The following TSPEAR variants were observed in gnomAD, a reference collection of about 807,000 sequenced individuals.
TSPEAR encodes the protein thrombospondin type laminin G domain and EAR repeats, also known as thrombospondin-type laminin G domain and EAR repeat-containing protein.
Under a neutral mutation model 71.6 loss-of-function variants are expected in TSPEAR, and 69 were observed. That is an observed-to-expected ratio of 0.96 (90% CI 0.79 to 1.18). The LOEUF (loss-of-function observed/expected upper bound fraction) is 1.18. Ranked by LOEUF, TSPEAR falls within the 50% of genes most tolerant of loss-of-function variation. The pLI is 0.00. For missense variants in TSPEAR, 971 were observed against 894.9 expected (o/e 1.09, Z -1.09); for synonymous variants, 402 against 387.2 (o/e 1.04, Z -0.45).
rs149797873 is a variant in TSPEAR at position 44,514,723 on chromosome 21, G to A, written c.1567-5337C>T. ...GCTCACTCCTCCTTTGGTCCAAGCT[G>A]GGGAGGCCCAGTCATTGGAGGCCTG... is the stretch of plus-strand genomic sequence containing the variant. On this transcript the variant is annotated intron_variant, in intron 9 of 11. Coordinates refer to ENST00000323084, the MANE Select transcript of TSPEAR (RefSeq NM_144991.3). Among the ~76,000 whole-genome samples the A allele has an allele frequency of 4.9e-3, 745 of 152,302 alleles. 7 individuals are homozygous for A. The highest frequency in any genetic ancestry group is 0.017 in the African/African-American group (716 of 41,560).
chr21:44,533,593 T>C, intron 3 of TSPEAR, 92 bp downstream of exon 3: 1 of 1,086,574 alleles, frequency 9.2e-7, no homozygotes, highest in Non-Finnish European at 1.3e-6. Flanking sequence ...GGACAGCTCC[T>C]GCAGGTGTTG....
intron 1 of TSPEAR, among the ~76,000 whole-genome samples, chr21:44,615,879 T>G (rs1294326061): frequency 6.6e-6 from 1 of 152,204 alleles, no homozygotes; most frequent in Non-Finnish European, 1.5e-5. Context: ...GACCAGACCC[T>G]GAGCATTCTG....
At chr21:44,590,165 T>C (rs75771808) in intron 1 of TSPEAR, among the ~76,000 whole-genome samples, 1 of 152,356 alleles carries the variant, frequency 6.6e-6, no homozygotes, top group Non-Finnish European at 1.5e-5. Context: ...TGGTCGCCTC[T>C]GGCGTTGACA....
At position 44,509,238 on chromosome 21, in the gene TSPEAR, GCGGTC is replaced by G. The variant is rs781844421; in HGVS notation, c.1710_1714del (p.Thr571AlafsTer121). The stretch of plus-strand genomic sequence containing the variant: ...GTCCTGGAACTTGACAAAGGCCTGC[GCGGTC>G]ACGTTCAGCTCGTAGATGACGGAGT... On this transcript the variant is annotated frameshift_variant, in exon 10 of 12. Coordinates refer to ENST00000323084, the MANE Select transcript of TSPEAR (RefSeq NM_144991.3). LOFTEE classifies it high-confidence loss of function. 8 of 1,613,902 alleles carry G rather than the reference GCGGTC, an allele frequency of 5.0e-6. No individual in the cohort carries two copies. Among genetic ancestry groups the G allele is most frequent in the Non-Finnish European group, 5.9e-6 (7 of 1,180,014 alleles).
intron 1 of TSPEAR, among the ~76,000 whole-genome samples, chr21:44,603,029 T>G (rs1981073941): frequency 6.7e-6 from 1 of 148,440 alleles, no homozygotes; most frequent in Non-Finnish European, 1.5e-5. Flanking sequence ...TTTCTGGTAG[T>G]GCTTCCTTTG....
chr21:44,527,598 C>T, intron 6 of TSPEAR, 80 bp from the exon 7 acceptor site: 1 of 1,398,746 alleles, frequency 7.1e-7, no homozygotes, highest in Non-Finnish European at 1.0e-6. Flanking sequence ...GCGCGATTCC[C>T]AAGCCCCAAG....
At chr21:44,580,070 T>A in intron 1 of TSPEAR, 1 of 1,613,132 alleles carries the variant, frequency 6.2e-7, no homozygotes, top group South Asian at 1.1e-5. Flanking sequence ...GTAGCAGGAC[T>A]GCTGGCAGGG....
In TSPEAR at chr21:44,606,183, A is replaced by AG. The variant is rs59499835; in HGVS notation, c.83-38179_83-38178insC. Among the ~76,000 whole-genome samples the AG allele has an allele frequency of 2.0e-5, 3 of 148,350 alleles. No homozygotes were observed. In the East Asian group the frequency reaches 5.8e-4, roughly 29 times the overall value. On this transcript the variant is annotated intron_variant, in intron 1 of 11. Coordinates refer to ENST00000323084, the MANE Select transcript of TSPEAR (RefSeq NM_144991.3). ...TGGCTCAAAAAAAAAAAAAAAAAAA[A>AG]CTACATAAATAAATAAAAATGGGCA...
intron 9 of TSPEAR, among the ~76,000 whole-genome samples, chr21:44,512,459 G>A (rs1001570590): frequency 6.6e-6 from 1 of 152,084 alleles, no homozygotes; most frequent in Non-Finnish European, 1.5e-5. Context: ...CAGGGGCTTT[G>A]GGAGACCACT....
intron 2 of TSPEAR, among the ~76,000 whole-genome samples, chr21:44,559,363 G>A (rs587687478): frequency 6.6e-6 from 1 of 152,338 alleles, no homozygotes; most frequent in South Asian, 2.1e-4. Flanking sequence ...CCTGGGCAGA[G>A]ATTGGCTCGC....
chr21:44,557,226 CCT>C (rs2053546793), intron 2 of TSPEAR, among the ~76,000 whole-genome samples: 1 of 152,144 alleles, frequency 6.6e-6, no homozygotes, highest in African/African-American at 2.4e-5. Context: ...AGAAAACACA[CCT>C]GTCTTAGAGG....
chr21:44,602,390 G>A (rs587654337), intron 1 of TSPEAR, among the ~76,000 whole-genome samples: 2 of 152,326 alleles, frequency 1.3e-5, no homozygotes, highest in East Asian at 3.9e-4. Context: ...TGCCCTGGGT[G>A]GGGCTGCTTT....
intron 2 of TSPEAR, among the ~76,000 whole-genome samples, chr21:44,542,460 T>C (rs1555917310): frequency 6.6e-6 from 1 of 152,008 alleles, no homozygotes; most frequent in African/African-American, 2.4e-5. Context: ...CATTTAAGAA[T>C]CTTTAGGCCA....
chr21:44,708,142 T>C (rs1446637971), intron 1 of TSPEAR, among the ~76,000 whole-genome samples: 1 of 151,966 alleles, frequency 6.6e-6, no homozygotes, highest in Non-Finnish European at 1.5e-5. Context: ...AACCCGTGCA[T>C]GCATGCATTG....
intron 2 of TSPEAR, among the ~76,000 whole-genome samples, chr21:44,553,445 C>T (rs898686576): frequency 6.6e-6 from 1 of 152,036 alleles, no homozygotes; most frequent in Non-Finnish European, 1.5e-5. Context: ...AAGAGCAAAA[C>T]TAATACCACA....
In TSPEAR at chr21:44,558,381, G is replaced by C. The variant is rs782498924; in HGVS notation, c.303+9404C>G. 4.0e-5 allele frequency: 64 copies of C among 1,613,056 alleles called. No individual in the cohort carries two copies. Among genetic ancestry groups the C allele is most frequent in the Non-Finnish European group, 5.0e-5 (59 of 1,179,632 alleles). On this transcript the variant is annotated intron_variant, in intron 2 of 11. Coordinates refer to ENST00000323084, the MANE Select transcript of TSPEAR (RefSeq NM_144991.3). ...GCAGCAGACAGGCTTGCAGCAGACG[G>C]GCACACAGCAGACTGGCTTGCAGCA...
chr21:44,598,543 T>C (rs951951077), intron 1 of TSPEAR, among the ~76,000 whole-genome samples: 1 of 152,232 alleles, frequency 6.6e-6, no homozygotes, highest in African/African-American at 2.4e-5. Flanking sequence ...TAGTTTTTAC[T>C]ATCTCTTCCG....
intron 2 of TSPEAR, chr21:44,558,259 T>C: frequency 6.2e-7 from 1 of 1,613,798 alleles, no homozygotes. Context: ...GAGGAGGGTC[T>C]GCAGCAGGAG....
In TSPEAR at chr21:44,536,366, C is replaced by T. The variant is rs1288633691; in HGVS notation, c.304-2443G>A. Among the ~76,000 whole-genome samples, 4 of 152,128 alleles carry T rather than the reference C, an allele frequency of 2.6e-5. No homozygotes were observed. In the East Asian group the frequency reaches 5.8e-4, roughly 22 times the overall value. ...CATTAAGTTCTGTCCTAAATGGAACCCATGGGTTTTTCTTTTTCTATCTGG... is the reference window on the plus strand; with the variant it reads ...CATTAAGTTCTGTCCTAAATGGAACTCATGGGTTTTTCTTTTTCTATCTGG... On this transcript the variant is annotated intron_variant, in intron 2 of 11. Coordinates refer to ENST00000323084, the MANE Select transcript of TSPEAR (RefSeq NM_144991.3).
Sources: gnomAD v4.1 joint callset for allele counts (sites outside exome capture counted in the v4.1 genomes callset) on GRCh38, gnomAD v4.1.1 for gene constraint, MANE v1.5 for transcripts, NCBI Gene and HGNC (gene_info 2026-07-23, HGNC 2026-07-21) for gene names.